Variants in PTBP3 observed in about 807,000 individuals in gnomAD.
PTBP3 encodes the protein polypyrimidine tract binding protein 3.
In PTBP3, 20 loss-of-function variants were observed where a neutral mutation model predicts 58.7. That is an observed-to-expected ratio of 0.34 (90% CI 0.24 to 0.50). The LOEUF (loss-of-function observed/expected upper bound fraction) is 0.50. Ranked by LOEUF, PTBP3 falls within the 20% of genes least tolerant of loss-of-function variation. PTBP3 has a pLI of 0.98. For synonymous variants in PTBP3, 185 were observed against 219.8 expected, an observed-to-expected ratio of 0.84 and a Z score of 1.40; for missense variants, 509 against 637.2, an observed-to-expected ratio of 0.80 and a Z score of 2.17.
chr9:112,320,803 T>C (rs1428386906), intron 1 of PTBP3, among the ~76,000 whole-genome samples: 2 of 152,158 alleles, frequency 1.3e-5, no homozygotes, highest in Non-Finnish European at 2.9e-5. Context: ...GAGGAAAATC[T>C]TTTCAACAAA....
At chr9:112,343,300 C>A in the PTBP3 span, among the ~76,000 whole-genome samples, 1 of 151,514 alleles carries the variant, frequency 6.6e-6, no homozygotes, top group Admixed American at 6.6e-5. Context: ...CCTCTGCCTC[C>A]CGGGTTCAAG....
At chr9:112,277,075 A>G (rs1827640586) in intron 2 of PTBP3, among the ~76,000 whole-genome samples, 1 of 152,198 alleles carries the variant, frequency 6.6e-6, no homozygotes, top group Non-Finnish European at 1.5e-5. Flanking sequence ...ATGAGGACCA[A>G]ATAAAAACTA....
intron 3 of PTBP3, among the ~76,000 whole-genome samples, chr9:112,268,506 G>A (rs908964952): frequency 4.6e-5 from 7 of 150,848 alleles, no homozygotes; most frequent in Non-Finnish European, 8.9e-5. Flanking sequence ...AGCAGCCTGT[G>A]CAACACAGCG....
chr9:112,373,913 T>C, the PTBP3 span, among the ~76,000 whole-genome samples: 1,245 of 152,362 alleles, frequency 8.2e-3, 9 homozygotes, highest in South Asian at 0.023. Flanking sequence ...CTGGTATTGA[T>C]GACTATCTTC....
At chr9:112,224,709 C>A (rs1357032575) in intron 12 of PTBP3, among the ~76,000 whole-genome samples, 1 of 152,170 alleles carries the variant, frequency 6.6e-6, no homozygotes, top group Admixed American at 6.5e-5. Context: ...ATTCCCCTCC[C>A]ATAGAAAGCA....
chr9:112,347,632 T>C, the PTBP3 span, among the ~76,000 whole-genome samples: 3 of 152,206 alleles, frequency 2.0e-5, no homozygotes, highest in Non-Finnish European at 2.9e-5. Flanking sequence ...TGTGAGCTAC[T>C]GTACCATTTT....
the PTBP3 span, among the ~76,000 whole-genome samples, chr9:112,367,686 G>A: frequency 6.6e-6 from 1 of 152,124 alleles, no homozygotes; most frequent in Non-Finnish European, 1.5e-5. Context: ...TCCCTTGTAT[G>A]TAATGAGTTC....
intron 5 of PTBP3, among the ~76,000 whole-genome samples, chr9:112,259,984 T>C (rs1836523207): frequency 1.3e-5 from 2 of 152,212 alleles, no homozygotes; most frequent in African/African-American, 4.8e-5. Flanking sequence ...CTCAGCTCAC[T>C]GCAATCTCAG....
At chr9:112,365,177 T>C in the PTBP3 span, among the ~76,000 whole-genome samples, 5 of 152,140 alleles carry the variant, frequency 3.3e-5, no homozygotes, top group African/African-American at 1.2e-4. Flanking sequence ...TCTATGTATC[T>C]ATATATGTAT....
intron 5 of PTBP3, among the ~76,000 whole-genome samples, chr9:112,259,233 G>A (rs758199038): frequency 5.3e-5 from 8 of 152,116 alleles, no homozygotes; most frequent in Non-Finnish European, 1.0e-4. Context: ...GATTACAGGC[G>A]TGAGCCACCA....
intron 8 of PTBP3, among the ~76,000 whole-genome samples, chr9:112,233,532 A>T (rs1355239941): frequency 1.3e-5 from 2 of 152,140 alleles, no homozygotes; most frequent in Non-Finnish European, 2.9e-5. Flanking sequence ...ATATTCACTT[A>T]ATTAAACATA....
intron 4 of PTBP3, among the ~76,000 whole-genome samples, chr9:112,266,246 G>T (rs1003442041): frequency 1.8e-4 from 27 of 152,110 alleles, no homozygotes; most frequent in African/African-American, 6.3e-4. Context: ...TTTAAAAATG[G>T]CTGAAATGGT....
chr9:112,249,360 T>C (rs1351493798), intron 7 of PTBP3, among the ~76,000 whole-genome samples: 1 of 152,044 alleles, frequency 6.6e-6, no homozygotes, highest in Non-Finnish European at 1.5e-5. Flanking sequence ...TCACTAAAAG[T>C]AAGGACATAG....
chr9:112,232,584 G>A (rs1217070989), intron 8 of PTBP3, among the ~76,000 whole-genome samples: 2 of 152,126 alleles, frequency 1.3e-5, no homozygotes, highest in African/African-American at 2.4e-5. Context: ...TCTATCAAGT[G>A]TATATGCTTT....
At chr9:112,231,972 A>AGAAG (rs1564391418) in intron 9 of PTBP3, 127 bp downstream of exon 9, 658 of 336,574 alleles carry the variant, frequency 2.0e-3, no homozygotes, top group Middle Eastern at 6.9e-3. Context: ...GAGAAGAGAG[A>AGAAG]AGAGAAGAGA....
Position 112,252,804 on chromosome 9 carries a change from C to T in PTBP3, c.517-16G>A, listed in dbSNP as rs1836183833. ...TAGAAAATATCTGGAAAACAGTTCA[C>T]ATTAGGTTAAATGTAAAAGAAAAGT... On this transcript the variant is annotated splice_polypyrimidine_tract_variant and intron_variant, in intron 5 of 13. Coordinates refer to ENST00000374257, the MANE Select transcript of PTBP3 (RefSeq NM_001163788.4). The T allele has an allele frequency of 5.7e-6, 8 of 1,393,784 alleles. No homozygotes were observed. Among genetic ancestry groups the T allele is most frequent in the Non-Finnish European group, 8.1e-6 (8 of 986,572 alleles). 86.3% of individuals were successfully genotyped at this position (1,393,784 alleles called of 1,614,324 possible). A position where few individuals can be genotyped will look rare whatever the true frequency, so the allele number is the denominator to read the frequency against.
At chr9:112,334,139 T>C (rs945301268), upstream of PTBP3, among the ~76,000 whole-genome samples, 1 of 151,626 alleles carries the variant, frequency 6.6e-6, no homozygotes. Flanking sequence ...GACCAGCCTC[T>C]GGCAGCCCGG....
intron 2 of PTBP3, among the ~76,000 whole-genome samples, chr9:112,288,180 T>C (rs1055017842): frequency 6.6e-6 from 1 of 152,208 alleles, no homozygotes; most frequent in Non-Finnish European, 1.5e-5. Flanking sequence ...TCCTCTGGTG[T>C]CAGGTGCCCT....
the PTBP3 span, among the ~76,000 whole-genome samples, chr9:112,367,306 A>G: frequency 6.6e-6 from 1 of 152,200 alleles, no homozygotes; most frequent in African/African-American, 2.4e-5. Context: ...CTTACAGTGA[A>G]TGTTATACTT....
Sources: allele counts gnomAD v4.1 joint callset (sites outside exome capture counted in the v4.1 genomes callset), GRCh38; gene constraint gnomAD v4.1.1; transcripts MANE v1.5; gene names NCBI Gene and HGNC (gene_info 2026-07-23, HGNC 2026-07-21).